The following MAP3K5 variants were observed in gnomAD, a reference collection of about 807,000 sequenced individuals.
The protein encoded by MAP3K5 is ASK-1.
In MAP3K5, 56 loss-of-function variants were observed where a neutral mutation model predicts 158.7. The ratio of observed to expected loss-of-function variants is 0.35; its 90% CI spans 0.28 to 0.44. The LOEUF (loss-of-function observed/expected upper bound fraction) is 0.44, where lower values mean the gene tolerates loss of function less well. MAP3K5 is among the 20% of genes least tolerant of loss of function. The probability of loss-of-function intolerance (pLI) is 1.00; values close to 1 mark genes in which losing one functional copy is unlikely to be tolerated. For synonymous variants in MAP3K5, 579 were observed against 601.7 expected, an observed-to-expected ratio of 0.96 and a Z score of 0.55; for missense variants, 1,294 against 1,674.8, an observed-to-expected ratio of 0.77 and a Z score of 3.97.
chr6:136,756,898 C>G (rs1360356973), intron 1 of MAP3K5, among the ~76,000 whole-genome samples: 1 of 152,176 alleles, frequency 6.6e-6, no homozygotes, highest in Admixed American at 6.5e-5. Flanking sequence ...AAGACTGACC[C>G]CAAGACTCCA....
chr6:136,687,748 G>C (rs1413723279), intron 7 of MAP3K5, among the ~76,000 whole-genome samples: 1 of 152,088 alleles, frequency 6.6e-6, no homozygotes, highest in Non-Finnish European at 1.5e-5. Context: ...TTAGAACGGT[G>C]ATCATTAAAA....
At chr6:136,720,956 T>G (rs952334731) in intron 1 of MAP3K5, among the ~76,000 whole-genome samples, 10 of 152,066 alleles carry the variant, frequency 6.6e-5, no homozygotes, top group African/African-American at 2.4e-4. Context: ...ATTAAAAAAT[T>G]TTTTTAGAGA....
At chr6:136,597,518 C>A (rs1775686848) in intron 21 of MAP3K5, among the ~76,000 whole-genome samples, 2 of 152,240 alleles carry the variant, frequency 1.3e-5, no homozygotes, top group Non-Finnish European at 1.5e-5. Context: ...CAGTCTCCAA[C>A]TGGCCAAACA....
chr6:136,718,029 T>G (rs1476995087), intron 2 of MAP3K5, among the ~76,000 whole-genome samples: 1 of 152,156 alleles, frequency 6.6e-6, no homozygotes, highest in Non-Finnish European at 1.5e-5. Context: ...CTAACAATAA[T>G]GCTTAGCAGT....
In MAP3K5 at chr6:136,791,835, G is replaced by A; in HGVS notation, c.323C>T (p.Ala108Val). The change falls in exon 1 of 30, where the codon GCC (alanine) becomes GTC (valine). Residue 108 changes from alanine (A) to valine (V), a missense_variant. Physicochemically the swap from Ala to Val is moderately conservative, Grantham distance 64. Transcript: ENST00000359015. ...CAAGCTCTGCAGGGCCTCGCTCTCG[G>A]CCACCACCAGTTGCCCTTGGCTCGC... ...NEASQGQLVV[A>V]ESEALQSLRE... 6 of 1,613,806 alleles carry A rather than the reference G, an allele frequency of 3.7e-6. No homozygotes were observed. The highest frequency in any genetic ancestry group is 5.1e-6 in the Non-Finnish European group (6 of 1,180,004).
intron 11 of MAP3K5, 147 bp from the exon 12 acceptor site, chr6:136,642,716 G>A: frequency 1.6e-6 from 1 of 633,706 alleles, no homozygotes; most frequent in Non-Finnish European, 2.8e-6. Context: ...TGGATGGAAA[G>A]CACAATTCAT....
intron 25 of MAP3K5, among the ~76,000 whole-genome samples, chr6:136,568,931 C>T (rs951942836): frequency 6.7e-6 from 1 of 148,418 alleles, no homozygotes; most frequent in Non-Finnish European, 1.5e-5. Context: ...CCCCAACTGA[C>T]TGAAGAACCA....
At chr6:136,697,917 G>T (rs761253541) in intron 4 of MAP3K5, among the ~76,000 whole-genome samples, 1 of 152,066 alleles carries the variant, frequency 6.6e-6, no homozygotes, top group Non-Finnish European at 1.5e-5. Context: ...GCTAATTTTT[G>T]TATTTTTGGT....
intron 11 of MAP3K5, chr6:136,648,009 A>T (rs1778347357): frequency 6.6e-6 from 1 of 152,140 alleles, no homozygotes; most frequent in Admixed American, 6.5e-5. Flanking sequence ...ATTTTAACAC[A>T]ATTAAAATGA....
intron 8 of MAP3K5, among the ~76,000 whole-genome samples, chr6:136,666,726 T>A (rs999996014): frequency 1.3e-5 from 2 of 152,204 alleles, no homozygotes; most frequent in African/African-American, 4.8e-5. Flanking sequence ...TTAGCATAAT[T>A]TACAATTGAA....
upstream of MAP3K5, chr6:136,792,479 C>T (rs1468729563): frequency 5.5e-6 from 4 of 730,924 alleles, no homozygotes; most frequent in African/African-American, 7.7e-5. This position sits in a 1 kb window ranked among gnomAD's most constrained non-coding sequence, Gnocchi z 5.7. Flanking sequence ...AGTCGGCTCG[C>T]AAACCTGCGC....
chr6:136,658,605 T>C (rs1418724824), intron 9 of MAP3K5, among the ~76,000 whole-genome samples: 1 of 152,156 alleles, frequency 6.6e-6, no homozygotes, highest in Non-Finnish European at 1.5e-5. Flanking sequence ...TGAGCCACCG[T>C]GCGCCCGGCC....
Position 136,720,445 on chromosome 6 carries a change from G to C in MAP3K5, c.588+5C>G, listed in dbSNP as rs532604926. ...AATGAAACATTCAGTAAACAAGGGAGGTACCTTCAGTGACTGCAGAGAGTC... is the reference window on the plus strand; with the variant it reads ...AATGAAACATTCAGTAAACAAGGGACGTACCTTCAGTGACTGCAGAGAGTC... On this transcript the variant is annotated splice_donor_5th_base_variant and intron_variant, in intron 2 of 29. Transcript: ENST00000359015. The C allele has an allele frequency of 6.3e-7, 1 of 1,584,894 alleles. No homozygotes were observed. The highest frequency in any genetic ancestry group is 1.8e-5 in the Admixed American group (1 of 54,292).
chr6:136,593,781 C>T, intron 21 of MAP3K5: 1 of 397,570 alleles, frequency 2.5e-6, no homozygotes, highest in Non-Finnish European at 4.8e-6. Flanking sequence ...CATCCTAATG[C>T]TACAAAAGCA....
At chr6:136,694,929 A>G (rs575639115) in intron 6 of MAP3K5, among the ~76,000 whole-genome samples, 1 of 152,304 alleles carries the variant, frequency 6.6e-6, no homozygotes, top group South Asian at 2.1e-4. Flanking sequence ...TGCTAAGTGA[A>G]AGAGGTCAGT....
intron 7 of MAP3K5, among the ~76,000 whole-genome samples, chr6:136,675,105 C>T (rs866045069): frequency 2.0e-5 from 3 of 151,538 alleles, no homozygotes; most frequent in Non-Finnish European, 4.4e-5. Flanking sequence ...AAAAAAGGAA[C>T]GTTTCATAAT....
At chr6:136,783,951 C>T (rs1180344511) in intron 1 of MAP3K5, among the ~76,000 whole-genome samples, 1 of 152,148 alleles carries the variant, frequency 6.6e-6, no homozygotes, top group Non-Finnish European at 1.5e-5. Context: ...TTTTATCCTG[C>T]AAACCAGAAA....
chr6:136,583,110 A>G (rs1270325450), intron 24 of MAP3K5, among the ~76,000 whole-genome samples: 1 of 152,242 alleles, frequency 6.6e-6, no homozygotes, highest in Non-Finnish European at 1.5e-5. Context: ...TGAAAACTAG[A>G]GAAAAACTGG....
chr6:136,720,309 A>G, intron 2 of MAP3K5, 141 bp downstream of exon 2: 2 of 675,978 alleles, frequency 3.0e-6, no homozygotes, highest in Non-Finnish European at 4.4e-6. Flanking sequence ...AAACCTCCCA[A>G]TTTGACAAGT....
Sources: gnomAD v4.1 joint callset for allele counts (sites outside exome capture counted in the v4.1 genomes callset) on GRCh38, gnomAD v4.1.1 for gene constraint, Gnocchi (gnomAD v3.1) non-coding constraint, MANE v1.5 for transcripts, NCBI Gene and HGNC (gene_info 2026-07-23, HGNC 2026-07-21) for gene names.